The following PPP1R15B variants were observed in gnomAD, a reference collection of about 807,000 sequenced individuals.
PPP1R15B encodes protein phosphatase 1 regulatory subunit 15B, also known as protein phosphatase 1, regulatory (inhibitor) subunit 15B.
Under a neutral mutation model 53.9 loss-of-function variants are expected in PPP1R15B, and 31 were observed. The ratio of observed to expected loss-of-function variants is 0.58; its 90% CI spans 0.43 to 0.78. PPP1R15B has a LOEUF of 0.78. PPP1R15B is among the 30% of genes least tolerant of loss of function. The pLI, the probability that PPP1R15B is intolerant of heterozygous loss-of-function variation, is 0.00. For missense variants in PPP1R15B, 928 were observed against 849.6 expected (o/e 1.09, Z -1.15); for synonymous variants, 345 against 329.1 (o/e 1.05, Z -0.52).
downstream of PPP1R15B, among the ~76,000 whole-genome samples, chr1:204,398,327 T>A (rs1674123213): frequency 6.6e-6 from 1 of 151,834 alleles, no homozygotes; most frequent in Admixed American, 6.6e-5. Flanking sequence ...ACAAAAATAA[T>A]AAAATTAGCC....
At chr1:204,399,367 C>T (rs554730663), downstream of PPP1R15B, among the ~76,000 whole-genome samples, 6 of 152,242 alleles carry the variant, frequency 3.9e-5, no homozygotes, top group East Asian at 1.2e-3. Context: ...TCGAGACCAG[C>T]CTGGGCAACA....
At chr1:204,401,835 C>T (rs886791091), downstream of PPP1R15B, among the ~76,000 whole-genome samples, 2 of 152,082 alleles carry the variant, frequency 1.3e-5, no homozygotes, top group African/African-American at 4.8e-5. Flanking sequence ...GTGGGAGAAT[C>T]GCTTGAGCCT....
rs767883451 is a variant in PPP1R15B, at chr1:204,411,285, C to A, written c.127G>T (p.Glu43Ter). 2 of 1,614,214 alleles carry A rather than the reference C, an allele frequency of 1.2e-6. No individual in the cohort carries two copies. The highest frequency in any genetic ancestry group is 4.5e-5 in the East Asian group (2 of 44,882). The change falls in exon 1 of 2, where the codon GAA becomes TAA. Residue 43 changes from glutamate to a stop codon, truncating the protein, a stop_gained. Coordinates refer to ENST00000367188, the MANE Select transcript of PPP1R15B (RefSeq NM_032833.5). LOFTEE classifies it high-confidence loss of function. ...AGCAGTGTGGGGTTCCCGGAGTTTT[C>A]CGGGCCAAGAGGCGTCGGGAACTTA... ...SSKFPTPLGP[E>*]NSGNPTLLSS...
downstream of PPP1R15B, among the ~76,000 whole-genome samples, chr1:204,400,133 A>G (rs138962964): frequency 1.3e-3 from 202 of 150,912 alleles, 2 homozygotes; most frequent in East Asian, 0.018. Flanking sequence ...GCTACTCGAG[A>G]GGCTGAGATA....
chr1:204,401,278 T>C (rs752200257), downstream of PPP1R15B, among the ~76,000 whole-genome samples: 1 of 152,236 alleles, frequency 6.6e-6, no homozygotes, highest in Non-Finnish European at 1.5e-5. Context: ...GTATCCTCTT[T>C]ATGATACCGA....
In PPP1R15B at chr1:204,411,355, C is replaced by G. The variant is rs34146119; in HGVS notation, c.57G>C (p.Arg19=). The part of the protein sequence containing the change: ...RKRLGPRAGF[R]FWPPFFPRRS... ...GCCGAGGGAAAAAGGGTGGCCAGAA[C>G]CGGAAGCCCGCCCGAGGGCCAAGCC... Residue 19 remains arginine (R), a synonymous_variant, in exon 1 of 2, where the codon CGG becomes CGC. Transcript: ENST00000367188. The G allele has an allele frequency of 0.015, 23,546 of 1,613,734 alleles. 1,032 individuals carry two copies. The highest frequency in any genetic ancestry group is 0.12 in the African/African-American group (8,917 of 75,046).
downstream of PPP1R15B, among the ~76,000 whole-genome samples, chr1:204,398,395 T>C (rs958836646): frequency 6.6e-6 from 1 of 152,064 alleles, no homozygotes; most frequent in Non-Finnish European, 1.5e-5. Flanking sequence ...GTGGGAGGAT[T>C]GTTTAAGCCC....
chr1:204,399,686 G>A (rs1482013568), downstream of PPP1R15B, among the ~76,000 whole-genome samples: 2 of 152,138 alleles, frequency 1.3e-5, no homozygotes, highest in African/African-American at 2.4e-5. Flanking sequence ...TAGTGAGGGT[G>A]GTGGTAGATG....
At chr1:204,402,856 G>A (rs546683774), downstream of PPP1R15B, among the ~76,000 whole-genome samples, 7 of 151,850 alleles carry the variant, frequency 4.6e-5, no homozygotes, top group East Asian at 3.9e-4. Flanking sequence ...GGAGGGTCAC[G>A]AGGTCAGGAG....
At chr1:204,401,031 G>GTC (rs1257542245), downstream of PPP1R15B, among the ~76,000 whole-genome samples, 1 of 152,138 alleles carries the variant, frequency 6.6e-6, no homozygotes, top group Non-Finnish European at 1.5e-5. Context: ...AGTTTCCCCT[G>GTC]TCTCTCTCTG....
rs746115589 is a variant in PPP1R15B at position 204,410,825 on chromosome 1, G to A, written c.587C>T (p.Ser196Phe). The change falls in exon 1 of 2, where the codon TCT becomes TTT. Residue 196 changes from serine (S) to phenylalanine (F), a missense_variant. By Grantham distance (155) the Ser-to-Phe change is radical. Transcript: ENST00000367188. ...LPSSLQSRLY[S>F]NRELGSSPSG... is the part of the protein sequence containing the mutation. ...GGGCGAAGAGCCAAGTTCCCGGTTA[G>A]AGTACAGACGGGATTGAAGGCTACT... 12 of 1,614,130 alleles carry A rather than the reference G, an allele frequency of 7.4e-6. No individual in the cohort carries two copies. In the Admixed American group the frequency reaches 2.0e-4, roughly 27 times the overall value.
In PPP1R15B at chr1:204,404,078, T is replaced by C; in HGVS notation, c.*2014A>G. 1 of 985,432 alleles carries C rather than the reference T, an allele frequency of 1.0e-6. No individual in the cohort carries two copies. Among genetic ancestry groups the C allele is most frequent in the African/African-American group, 1.7e-5 (1 of 57,358 alleles). 61.0% of individuals were successfully genotyped at this position (985,432 alleles called of 1,614,324 possible). ...GCCTGGTTTTAAAAGAATGCCTGTA[T>C]GTTGTCAAAAGGCTTTTTTCAAGGC... On this transcript the variant is annotated 3_prime_UTR_variant, in exon 2 of 2. Transcript: ENST00000367188.
chr1:204,405,129 C>T lies in PPP1R15B; in HGVS notation c.*963G>A. 1 of 985,814 alleles carries T rather than the reference C, an allele frequency of 1.0e-6. No homozygotes were observed. The highest frequency in any genetic ancestry group is 4.7e-5 in the South Asian group (1 of 21,286). The allele number at this position is 985,814 out of a possible 1,614,324, so 61.1% of individuals were successfully genotyped here. A position where few individuals can be genotyped will look rare whatever the true frequency, so the allele number is the denominator to read the frequency against. On this transcript the variant is annotated 3_prime_UTR_variant, in exon 2 of 2. Coordinates refer to ENST00000367188, the MANE Select transcript of PPP1R15B (RefSeq NM_032833.5). ...AGTGACAGTGCTGAGGCATGATATTCATTAACACTGGTTTTCTGTTGAGAA... is the reference window on the plus strand; with the variant it reads ...AGTGACAGTGCTGAGGCATGATATTTATTAACACTGGTTTTCTGTTGAGAA...
chr1:204,402,876 A>C (rs1674200446), downstream of PPP1R15B, among the ~76,000 whole-genome samples: 1 of 152,060 alleles, frequency 6.6e-6, no homozygotes, highest in African/African-American at 2.4e-5. Flanking sequence ...GATCGAGAAC[A>C]ACCTGGCCAA....
In PPP1R15B at chr1:204,405,982, C is replaced by T; in HGVS notation, c.*110G>A. ...AAAAAATTAAACTAGATCCAAGTTA[C>T]ATTTCCTCTAAAAAAAAAAATGTCA... On this transcript the variant is annotated 3_prime_UTR_variant, in exon 2 of 2. Coordinates refer to ENST00000367188, the MANE Select transcript of PPP1R15B (RefSeq NM_032833.5). 1 of 1,475,776 alleles carries T rather than the reference C, an allele frequency of 6.8e-7. No individual in the cohort carries two copies. The highest frequency in any genetic ancestry group is 2.6e-5 in the Admixed American group (1 of 38,984). 91.4% of individuals were successfully genotyped at this position (1,475,776 alleles called of 1,614,324 possible). A position where few individuals can be genotyped will look rare whatever the true frequency, so the allele number is the denominator to read the frequency against.
At chr1:204,398,985 T>C (rs1190492408), downstream of PPP1R15B, among the ~76,000 whole-genome samples, 1 of 152,256 alleles carries the variant, frequency 6.6e-6, no homozygotes, top group Non-Finnish European at 1.5e-5. Flanking sequence ...TTCTACAAAT[T>C]TAGTTAAAGC....
chr1:204,409,524 C>T lies in PPP1R15B; in HGVS notation c.1888G>A (p.Gly630Arg). 3 of 1,612,890 alleles carry T rather than the reference C, an allele frequency of 1.9e-6. No individual in the cohort carries two copies. ...CTTTTGACATGTGTGTGTCTTCCTC[C>T]AGAAAGAACGTCACGCTGTACCGAG... Reference protein sequence around the residue: ...PDSVQRDVLSGGRHTHVKRKK... With the variant: ...PDSVQRDVLSRGRHTHVKRKK... Residue 630 changes from glycine to arginine, a missense_variant, in exon 1 of 2, where the codon GGA (glycine) becomes AGA (arginine). Gly to Arg is a moderately radical substitution (Grantham distance 125). Coordinates refer to ENST00000367188, the MANE Select transcript of PPP1R15B (RefSeq NM_032833.5).
rs747228248 is a variant in PPP1R15B, at chr1:204,410,195, T to A, written c.1217A>T (p.Tyr406Phe). ...GGGAAGGTCACCTTCTAGGTATGAG[T>A]AATCAACTACACTTATTCGGCCCTC... Reference protein sequence around the residue: ...PGEGRISVVDYSYLEGDLPIS... With the variant: ...PGEGRISVVDFSYLEGDLPIS... The change falls in exon 1 of 2, where the codon TAC becomes TTC. Residue 406 changes from tyrosine (Y) to phenylalanine (F), a missense_variant. By Grantham distance (22) the Tyr-to-Phe change is conservative (BLOSUM62 3). Transcript: ENST00000367188. 1 of 1,614,028 alleles carries A rather than the reference T, an allele frequency of 6.2e-7. No individual in the cohort carries two copies. The highest frequency in any genetic ancestry group is 1.1e-5 in the South Asian group (1 of 91,088).
downstream of PPP1R15B, chr1:204,400,691 GAA>G (rs1221177789): frequency 1.9e-5 from 18 of 930,516 alleles, no homozygotes; most frequent in Non-Finnish European, 2.3e-5. Context: ...GAGCTCTGTA[GAA>G]AAGTCAAGAA....
Sources: allele counts gnomAD v4.1 joint callset (sites outside exome capture counted in the v4.1 genomes callset), GRCh38; gene constraint gnomAD v4.1.1; transcripts MANE v1.5; gene names NCBI Gene and HGNC (gene_info 2026-07-23, HGNC 2026-07-21).